Variants in UNC79 observed in about 807,000 individuals in gnomAD.
The protein encoded by UNC79 is protein unc-79 homolog.
UNC79 carries 37 observed loss-of-function variants against 283.1 expected under a neutral mutation model. That is an observed-to-expected ratio of 0.13 (90% CI 0.10 to 0.17). The LOEUF is 0.17. Ranked by LOEUF, UNC79 falls within the 10% of genes least tolerant of loss-of-function variation. The pLI is 1.00. For synonymous variants in UNC79, 1,107 were observed against 1,200.2 expected (o/e 0.92, Z 1.61); for missense variants, 2,272 against 3,211.1 (o/e 0.71, Z 7.07).
intron 1 of UNC79, among the ~76,000 whole-genome samples, chr14:93,367,527 C>G (rs2054360361): frequency 6.6e-6 from 1 of 152,032 alleles, no homozygotes; most frequent in Admixed American, 6.5e-5. Context: ...GGGAAATAGG[C>G]TGGATATTTT....
chr14:93,355,049 A>G (rs1250977328), intron 1 of UNC79, among the ~76,000 whole-genome samples: 1 of 142,858 alleles, frequency 7.0e-6, no homozygotes. Flanking sequence ...TTTTTTTTTG[A>G]CAGAGTTTCG....
At chr14:93,611,480 A>C (rs2066298508) in intron 26 of UNC79, among the ~76,000 whole-genome samples, 1 of 152,154 alleles carries the variant, frequency 6.6e-6, no homozygotes, top group Admixed American at 6.5e-5. Flanking sequence ...GTAAATTCCG[A>C]ATTTGACCTT....
intron 14 of UNC79, among the ~76,000 whole-genome samples, chr14:93,552,291 G>T (rs1025873860): frequency 5.3e-5 from 8 of 152,282 alleles, no homozygotes; most frequent in Admixed American, 5.2e-4. Flanking sequence ...ACTGTTAATG[G>T]TGGGCATAAT....
exon 27 of UNC79, chr14:93,612,959 A>G: frequency 6.2e-7 from 1 of 1,614,182 alleles, no homozygotes; most frequent in Non-Finnish European, 8.5e-7. Flanking sequence ...AAGGCCTTCA[A>G]CACGGTCAAG....
chr14:93,401,605 C>A (rs1302321654), intron 1 of UNC79, among the ~76,000 whole-genome samples: 1 of 152,232 alleles, frequency 6.6e-6, no homozygotes, highest in East Asian at 1.9e-4. Context: ...CCCAGCCCCA[C>A]TCCACCTCAA....
At chr14:93,595,530 A>G (rs890970301) in intron 23 of UNC79, among the ~76,000 whole-genome samples, 1 of 152,072 alleles carries the variant, frequency 6.6e-6, no homozygotes, top group Non-Finnish European at 1.5e-5. Flanking sequence ...GCTTCTTTCT[A>G]CACACACCCT....
intron 13 of UNC79, among the ~76,000 whole-genome samples, chr14:93,541,743 C>T (rs1262448558): frequency 4.6e-5 from 7 of 152,226 alleles, no homozygotes; most frequent in Non-Finnish European, 8.8e-5. Context: ...CGGTGGCTCA[C>T]GCCTGTAATC....
At chr14:93,412,133 C>G (rs10131824) in intron 1 of UNC79, among the ~76,000 whole-genome samples, 103,349 of 152,036 alleles carry the variant, frequency 0.68, 35,708 homozygotes, top group Middle Eastern at 0.74. Flanking sequence ...TTGAAAAATG[C>G]AATTGACATA....
At position 93,646,603 on chromosome 14, in the gene UNC79, C is replaced by T. The variant is rs2069631167; in HGVS notation, c.6045-5C>T. 1 of 1,613,704 alleles carries T rather than the reference C, an allele frequency of 6.2e-7. No individual in the cohort carries two copies. Among genetic ancestry groups the T allele is most frequent in the Non-Finnish European group, 8.5e-7 (1 of 1,179,750 alleles). On this transcript the variant is annotated splice_region_variant and splice_polypyrimidine_tract_variant and intron_variant, in intron 34 of 48. Coordinates refer to ENST00000555664, the Ensembl canonical transcript of UNC79. ...TTGTGTGACTCTCTTTACTTTATTT[C>T]CTAGATTGGCATCCAGTACTACCTT...
chr14:93,492,979 T>A (rs2058808554), intron 5 of UNC79, among the ~76,000 whole-genome samples: 1 of 152,298 alleles, frequency 6.6e-6, no homozygotes, highest in Admixed American at 6.5e-5. Flanking sequence ...AGGAAGCTTA[T>A]CGTATGGTCG....
intron 1 of UNC79, among the ~76,000 whole-genome samples, chr14:93,381,730 A>G (rs1375425542): frequency 6.6e-6 from 1 of 152,236 alleles, no homozygotes; most frequent in African/African-American, 2.4e-5. Flanking sequence ...ATATATTTGC[A>G]TGTGTCACGG....
At chr14:93,683,333 T>G (rs1260922702) in intron 42 of UNC79, among the ~76,000 whole-genome samples, 3 of 152,324 alleles carry the variant, frequency 2.0e-5, no homozygotes, top group African/African-American at 7.2e-5. Flanking sequence ...TGCAATCAGC[T>G]TGATTGTGGT....
At chr14:93,483,852 C>G (rs998479295) in intron 4 of UNC79, among the ~76,000 whole-genome samples, 2 of 152,120 alleles carry the variant, frequency 1.3e-5, no homozygotes, top group Non-Finnish European at 2.9e-5. Context: ...ATCTATGTCC[C>G]TACAAAGGGC....
At chr14:93,521,625 G>C (rs750450033) in intron 7 of UNC79, among the ~76,000 whole-genome samples, 3 of 151,682 alleles carry the variant, frequency 2.0e-5, no homozygotes, top group Non-Finnish European at 2.9e-5. Context: ...GTACTACTTG[G>C]AGACCAGTTT....
At chr14:93,686,765 CG>C (rs2074272777) in intron 43 of UNC79, 104 bp downstream of exon 46, 1 of 1,272,136 alleles carries the variant, frequency 7.9e-7, no homozygotes, top group Non-Finnish European at 1.1e-6. Flanking sequence ...GGGAGGCAGC[CG>C]TGGCACTGTT....
At chr14:93,362,730 C>G (rs2054251719) in intron 1 of UNC79, among the ~76,000 whole-genome samples, 1 of 152,088 alleles carries the variant, frequency 6.6e-6, no homozygotes, top group African/African-American at 2.4e-5. Flanking sequence ...TGTCTGTTTC[C>G]AGGAATTTAT....
At chr14:93,496,536 G>T in intron 6 of UNC79, 70 bp downstream of exon 6, 1 of 1,102,002 alleles carries the variant, frequency 9.1e-7, no homozygotes, top group South Asian at 2.3e-5. Flanking sequence ...AACTGTTTAC[G>T]TATTAAAACT....
chr14:93,493,901 A>ATATATTTTTT (rs1251701550), intron 5 of UNC79, among the ~76,000 whole-genome samples: 4 of 49,248 alleles, frequency 8.1e-5, no homozygotes, highest in Non-Finnish European at 1.3e-4. Flanking sequence ...ATATATATAT[A>ATATATTTTTT]TTTTTTTTTT....
intron 12 of UNC79, among the ~76,000 whole-genome samples, chr14:93,538,776 C>G (rs1400069076): frequency 8.1e-6 from 1 of 123,526 alleles, no homozygotes; most frequent in African/African-American, 3.1e-5. Context: ...CTGCAGGCTA[C>G]TGGGTTTTTC....
Sources: gnomAD v4.1 joint callset for allele counts (sites outside exome capture counted in the v4.1 genomes callset) on GRCh38, gnomAD v4.1.1 for gene constraint, MANE v1.5 for transcripts, NCBI Gene and HGNC (gene_info 2026-07-23, HGNC 2026-07-21) for gene names.